The following SGCZ variants were observed in gnomAD, a reference collection of about 807,000 sequenced individuals.
SGCZ encodes the protein sarcoglycan zeta.
SGCZ carries 40 observed loss-of-function variants against 41.3 expected under a neutral mutation model. That is an observed-to-expected ratio of 0.97 (90% confidence interval 0.75 to 1.26). The LOEUF is 1.26. Among genes scored for constraint, SGCZ ranks in the 50% most tolerant of loss-of-function variants. The pLI, the probability that SGCZ is intolerant of heterozygous loss-of-function variation, is 0.00. For synonymous variants in SGCZ, 206 were observed against 137.5 expected, an observed-to-expected ratio of 1.50 and a Z score of -3.49; for missense variants, 552 against 369.8, an observed-to-expected ratio of 1.49 and a Z score of -4.04.
chr8:14,143,745 C>T (rs1803440936), intron 5 of SGCZ, among the ~76,000 whole-genome samples: 1 of 152,062 alleles, frequency 6.6e-6, no homozygotes, highest in South Asian at 2.1e-4. Context: ...ATAAAGAGCC[C>T]TAAATGGTCA....
intron 2 of SGCZ, among the ~76,000 whole-genome samples, chr8:14,486,586 G>A (rs1488130292): frequency 2.6e-5 from 4 of 152,172 alleles, no homozygotes; most frequent in Admixed American, 1.3e-4. Context: ...GTGTGCGCGC[G>A]CGTGCGCACG....
intron 5 of SGCZ, among the ~76,000 whole-genome samples, chr8:14,133,001 T>G (rs1488676488): frequency 6.6e-6 from 1 of 152,082 alleles, no homozygotes; most frequent in Non-Finnish European, 1.5e-5. Context: ...CTAGGAGCTG[T>G]AACAATAAAA....
At chr8:14,839,630 C>T (rs934013561) in intron 1 of SGCZ, among the ~76,000 whole-genome samples, 13 of 152,136 alleles carry the variant, frequency 8.5e-5, no homozygotes, top group East Asian at 7.7e-4. Context: ...GTCTTGAACG[C>T]TCTTCCTCCC....
intron 3 of SGCZ, chr8:14,309,307 T>C (rs1297195773): frequency 5.7e-6 from 9 of 1,588,796 alleles, no homozygotes; most frequent in Non-Finnish European, 6.9e-6. Context: ...TTTTTAAGGA[T>C]GGTATTGAGA....
At chr8:15,184,032 C>T (rs1041670825) in intron 1 of SGCZ, among the ~76,000 whole-genome samples, 3 of 152,152 alleles carry the variant, frequency 2.0e-5, no homozygotes, top group African/African-American at 7.2e-5. Context: ...AAGCAGTTAA[C>T]TACTTTTATA....
Position 15,196,168 on chromosome 8 carries a change from A to G in SGCZ, c.39+41417T>C, listed in dbSNP as rs1271049816. 2.2e-5 allele frequency among the ~76,000 whole-genome samples: 3 copies of G among 134,018 alleles called. No individual in the cohort carries two copies. In the East Asian group the frequency reaches 5.9e-4, roughly 26 times the overall value. The allele number at this position is 134,018 out of a possible 152,430, so 87.9% of individuals were successfully genotyped here. A position where few individuals can be genotyped will look rare whatever the true frequency, so the allele number is the denominator to read the frequency against. ...CGCCTCGGCCTCCCAAAGTGCTGGG[A>G]TTACAGGCGTGAGCCACCGCGCCCG... is the stretch of plus-strand genomic sequence containing the variant. On this transcript the variant is annotated intron_variant, in intron 1 of 7. Coordinates refer to ENST00000382080, the MANE Select transcript of SGCZ (RefSeq NM_139167.4).
At chr8:14,812,515 G>A (rs1271644788) in intron 1 of SGCZ, among the ~76,000 whole-genome samples, 1 of 152,118 alleles carries the variant, frequency 6.6e-6, no homozygotes, top group Non-Finnish European at 1.5e-5. Flanking sequence ...GAACATTTCA[G>A]TCTGCTCAAA....
intron 1 of SGCZ, among the ~76,000 whole-genome samples, chr8:14,598,588 G>A (rs1241856494): frequency 6.6e-6 from 1 of 151,582 alleles, no homozygotes; most frequent in Non-Finnish European, 1.5e-5. Flanking sequence ...GTGCAGTGGT[G>A]CAATCGTCAG....
chr8:14,980,184 C>T (rs17654931), intron 1 of SGCZ, among the ~76,000 whole-genome samples: 10,441 of 152,110 alleles, frequency 0.069, 517 homozygotes, highest in African/African-American at 0.13. Flanking sequence ...AGGAAGGAAA[C>T]GATCACTAGC....
chr8:14,931,866 T>C (rs1799930977), intron 1 of SGCZ, among the ~76,000 whole-genome samples: 1 of 151,978 alleles, frequency 6.6e-6, no homozygotes, highest in Non-Finnish European at 1.5e-5. Context: ...TCATAACTGT[T>C]TTAACCTTGA....
chr8:15,103,159 G>C (rs1244380469), intron 1 of SGCZ, among the ~76,000 whole-genome samples: 4 of 152,088 alleles, frequency 2.6e-5, no homozygotes, highest in African/African-American at 9.7e-5. Flanking sequence ...CCAGCACTTT[G>C]GGAGGCCAAG....
At chr8:14,451,218 T>G (rs548565145) in intron 2 of SGCZ, among the ~76,000 whole-genome samples, 1 of 152,196 alleles carries the variant, frequency 6.6e-6, no homozygotes, top group African/African-American at 2.4e-5. Context: ...AAAACAAAAA[T>G]AGACTCTGTA....
intron 2 of SGCZ, among the ~76,000 whole-genome samples, chr8:14,325,258 G>A (rs1273727967): frequency 1.3e-5 from 2 of 151,964 alleles, no homozygotes; most frequent in African/African-American, 4.8e-5. Context: ...GAATATGGTG[G>A]AAGAAAAATT....
intron 1 of SGCZ, among the ~76,000 whole-genome samples, chr8:14,741,054 T>G (rs1318744231): frequency 6.6e-6 from 1 of 152,002 alleles, no homozygotes; most frequent in East Asian, 1.9e-4. Flanking sequence ...CAAAAGCAGG[T>G]GAGGGAACAA....
intron 2 of SGCZ, among the ~76,000 whole-genome samples, chr8:14,519,985 ATTAAG>A (rs576587117): frequency 1.6e-3 from 243 of 152,268 alleles, no homozygotes; most frequent in Non-Finnish European, 2.5e-3. Context: ...TTGTAAAAAT[ATTAAG>A]TTAATTCATC....
chr8:15,007,128 T>G (rs1239089666), intron 1 of SGCZ, among the ~76,000 whole-genome samples: 3 of 152,188 alleles, frequency 2.0e-5, no homozygotes, highest in Non-Finnish European at 1.5e-5. Flanking sequence ...AGTAATTAGC[T>G]GCTCCAAAGG....
At chr8:14,799,925 C>T (rs370876720) in intron 1 of SGCZ, among the ~76,000 whole-genome samples, 21 of 152,114 alleles carry the variant, frequency 1.4e-4, no homozygotes, top group African/African-American at 4.6e-4. Flanking sequence ...CTCTGCCTTT[C>T]GTTGATAAGT....
Position 15,137,951 on chromosome 8 carries a change from G to A in SGCZ, c.39+99634C>T, listed in dbSNP as rs1004341234. Among the ~76,000 whole-genome samples the A allele has an allele frequency of 2.4e-4, 37 of 152,084 alleles. 1 individual carries two copies. The highest frequency in any genetic ancestry group is 8.7e-4 in the African/African-American group (36 of 41,434). On this transcript the variant is annotated intron_variant, in intron 1 of 7. Transcript: ENST00000382080. ...TAGATCCACTGACAGCTTGCACTGT[G>A]TGCCTGGAAATGCCACAGACGCTCA... is the stretch of plus-strand genomic sequence containing the variant.
chr8:14,409,928 C>G (rs945626568), intron 2 of SGCZ, among the ~76,000 whole-genome samples: 1 of 152,030 alleles, frequency 6.6e-6, no homozygotes, highest in South Asian at 2.1e-4. Flanking sequence ...TGAAAATTAG[C>G]TTTCCCTTAA....
Sources: allele counts gnomAD v4.1 joint callset (sites outside exome capture counted in the v4.1 genomes callset), GRCh38; gene constraint gnomAD v4.1.1; transcripts MANE v1.5; gene names NCBI Gene and HGNC (gene_info 2026-07-23, HGNC 2026-07-21).